Variants in SLC38A9 observed in about 807,000 individuals in gnomAD.
SLC38A9 encodes solute carrier family 38 member 9.
Under a neutral mutation model 62.3 loss-of-function variants are expected in SLC38A9, and 48 were observed. That is an observed-to-expected ratio of 0.77 (90% CI 0.61 to 0.98). The LOEUF (loss-of-function observed/expected upper bound fraction) is 0.98. Ranked by LOEUF, SLC38A9 falls within the 50% of genes least tolerant of loss-of-function variation. The probability of loss-of-function intolerance (pLI) is 0.00; values close to 1 mark genes in which losing one functional copy is unlikely to be tolerated. For missense variants in SLC38A9, 541 were observed against 679.8 expected (o/e 0.80, Z 2.27); for synonymous variants, 204 against 227.7 (o/e 0.90, Z 0.94).
chr5:55,705,853 G>A (rs1198894402), intron 2 of SLC38A9, among the ~76,000 whole-genome samples: 1 of 151,990 alleles, frequency 6.6e-6, no homozygotes, highest in African/African-American at 2.4e-5. Flanking sequence ...GACTACAGGT[G>A]CCTGCCACCA....
chr5:55,706,480 A>G (rs549210787), intron 2 of SLC38A9, among the ~76,000 whole-genome samples: 1 of 152,368 alleles, frequency 6.6e-6, no homozygotes, highest in African/African-American at 2.4e-5. Flanking sequence ...CTTATCAAAA[A>G]GTGAAATCAA....
chr5:55,642,788 G>A lies in SLC38A9; in HGVS notation c.1167+3001C>T, dbSNP rs936539318. ...ATAGGAAGTATGAAAAATCCAGATT[G>A]ACTCAAGTCCAACTCCATTTACAGG... On this transcript the variant is annotated intron_variant, in intron 12 of 15. Coordinates refer to ENST00000396865, the MANE Select transcript of SLC38A9 (RefSeq NM_173514.4). Among the ~76,000 whole-genome samples, 18 of 152,254 alleles carry A rather than the reference G, an allele frequency of 1.2e-4. No individual in the cohort carries two copies. In the South Asian group the frequency reaches 3.1e-3, roughly 26 times the overall value.
At chr5:55,652,402 A>C (rs1747679117) in intron 10 of SLC38A9, 127 bp downstream of exon 10, 3 of 474,910 alleles carry the variant, frequency 6.3e-6, no homozygotes, top group Non-Finnish European at 1.0e-5. Context: ...ACAAAACAAA[A>C]ACGAATGAAC....
intron 12 of SLC38A9, among the ~76,000 whole-genome samples, chr5:55,639,272 T>TAAAAAAAAA (rs753043231): frequency 2.2e-4 from 12 of 54,588 alleles, no homozygotes; most frequent in African/African-American, 5.5e-4. Flanking sequence ...AAACTCTGTC[T>TAAAAAAAAA]AAAAAAAAAA....
chr5:55,695,412 C>G (rs189227819), intron 3 of SLC38A9, among the ~76,000 whole-genome samples: 1 of 88,416 alleles, frequency 1.1e-5, no homozygotes, highest in Admixed American at 1.1e-4. Flanking sequence ...GAGGACCCTG[C>G]GGCCTTCTGC....
At position 55,668,376 on chromosome 5, in the gene SLC38A9, C is replaced by T. The variant is rs1007203364; in HGVS notation, c.526+852G>A. Among the ~76,000 whole-genome samples the T allele has an allele frequency of 2.0e-5, 3 of 152,174 alleles. No homozygotes were observed. The South Asian group carries it at 6.2e-4, about 31-fold the overall frequency. ...CCATTTAGAAACCAGAATGAATCTT[C>T]TCTCAAGACTTTTTTATTTTTTATT... is the stretch of plus-strand genomic sequence containing the variant. On this transcript the variant is annotated intron_variant, in intron 7 of 15. Transcript: ENST00000396865.
At chr5:55,637,347 C>T (rs185900362) in intron 12 of SLC38A9, among the ~76,000 whole-genome samples, 1 of 152,294 alleles carries the variant, frequency 6.6e-6, no homozygotes, top group African/African-American at 2.4e-5. Context: ...TTTTCCCTTC[C>T]GCTTCTCTGT....
chr5:55,636,699 C>T (rs774628276), intron 12 of SLC38A9, among the ~76,000 whole-genome samples: 1 of 152,096 alleles, frequency 6.6e-6, no homozygotes, highest in Non-Finnish European at 1.5e-5. Flanking sequence ...TGAATGTTGA[C>T]AAATTCAGTT....
At chr5:55,684,770 C>T (rs1038847331) in intron 3 of SLC38A9, among the ~76,000 whole-genome samples, 3 of 152,212 alleles carry the variant, frequency 2.0e-5, no homozygotes, top group Non-Finnish European at 4.4e-5. Context: ...TCTCCTGCCT[C>T]AGCCTCCCGA....
intron 2 of SLC38A9, among the ~76,000 whole-genome samples, chr5:55,698,625 C>A (rs564995489): frequency 1.3e-5 from 2 of 152,334 alleles, no homozygotes; most frequent in South Asian, 4.1e-4. Context: ...CACAAGGGAA[C>A]TACAAAGAAG....
At position 55,649,206 on chromosome 5, in the gene SLC38A9, C is replaced by A; in HGVS notation, c.1060+1G>T. 6.4e-7 allele frequency: 1 copy of A among 1,566,448 alleles called. No individual in the cohort carries two copies. The highest frequency in any genetic ancestry group is 8.7e-7 in the Non-Finnish European group (1 of 1,151,614). On this transcript the variant is annotated splice_donor_variant, in intron 11 of 15. Transcript: ENST00000396865. LOFTEE classifies it high-confidence loss of function. ...ATTTATTATTTTGCCAAAAAGCTCA[C>A]CTGGTACAAAAAATTCTGTTGGTAT...
chr5:55,659,011 CTT>C (rs1218837357), intron 8 of SLC38A9, among the ~76,000 whole-genome samples: 1 of 152,126 alleles, frequency 6.6e-6, no homozygotes, highest in East Asian at 1.9e-4. Context: ...AAGATAATCT[CTT>C]GATTGTCTCT....
intron 3 of SLC38A9, among the ~76,000 whole-genome samples, chr5:55,684,952 C>T (rs1320302344): frequency 1.3e-5 from 2 of 152,142 alleles, no homozygotes; most frequent in Non-Finnish European, 2.9e-5. Flanking sequence ...CCACGCCTGG[C>T]CAAAAGCTCT....
At chr5:55,697,727 C>A (rs926226688) in intron 3 of SLC38A9, 119 bp downstream of exon 3, 3 of 477,450 alleles carry the variant, frequency 6.3e-6, no homozygotes, top group Admixed American at 4.2e-5. Context: ...TGTATACACA[C>A]AAATCCTGTA....
chr5:55,644,972 G>GT (rs1254074912), intron 12 of SLC38A9, among the ~76,000 whole-genome samples: 1 of 151,918 alleles, frequency 6.6e-6, no homozygotes, highest in African/African-American at 2.4e-5. Flanking sequence ...GCGGTGTTTG[G>GT]TTTTTTGTCC....
intron 2 of SLC38A9, among the ~76,000 whole-genome samples, chr5:55,701,805 T>G (rs1350816003): frequency 6.6e-6 from 1 of 152,224 alleles, no homozygotes; most frequent in Non-Finnish European, 1.5e-5. Flanking sequence ...ATTTTATAGA[T>G]AAGTATACAC....
chr5:55,703,272 A>G (rs1158921492), intron 2 of SLC38A9, among the ~76,000 whole-genome samples: 1 of 152,188 alleles, frequency 6.6e-6, no homozygotes, highest in Non-Finnish European at 1.5e-5. Flanking sequence ...ATAATAAAAC[A>G]TATTAGGATG....
At chr5:55,707,307 T>C (rs906449300) in intron 2 of SLC38A9, among the ~76,000 whole-genome samples, 4 of 152,232 alleles carry the variant, frequency 2.6e-5, no homozygotes, top group Admixed American at 2.0e-4. Flanking sequence ...TAATGCAGAA[T>C]AGTTTATCAA....
intron 3 of SLC38A9, among the ~76,000 whole-genome samples, chr5:55,690,867 TACAATCCCATCAGAATCC>T (rs1256013185): frequency 5.9e-4 from 90 of 152,350 alleles, no homozygotes; most frequent in African/African-American, 2.0e-3. Context: ...CGACCTTATT[TACAATCCCATCAGAATCC>T]TTTTATTCTC....
Sources: gnomAD v4.1 joint callset for allele counts (sites outside exome capture counted in the v4.1 genomes callset) on GRCh38, gnomAD v4.1.1 for gene constraint, MANE v1.5 for transcripts, NCBI Gene and HGNC (gene_info 2026-07-23, HGNC 2026-07-21) for gene names.